Variants in TUBGCP5 observed in about 807,000 individuals in gnomAD.
TUBGCP5 encodes the protein tubulin gamma complex component 5.
In TUBGCP5, 98 loss-of-function variants were observed where a neutral mutation model predicts 134.7. The observed-to-expected ratio is 0.73, with a 90% CI of 0.62 to 0.86. The LOEUF (loss-of-function observed/expected upper bound fraction) is 0.86, where lower values mean the gene tolerates loss of function less well. TUBGCP5 is among the 40% of genes least tolerant of loss of function. The pLI, the probability that TUBGCP5 is intolerant of heterozygous loss-of-function variation, is 0.00. For missense variants in TUBGCP5, 1,150 were observed against 1,244.8 expected, an observed-to-expected ratio of 0.92 and a Z score of 1.15; for synonymous variants, 456 against 431.4, an observed-to-expected ratio of 1.06 and a Z score of -0.71.
rs189021532 is a variant in TUBGCP5, at chr15:23,010,245, T to C, written c.1956-112A>G. 2.0e-5 allele frequency: 23 copies of C among 1,169,320 alleles called. No homozygotes were observed. In the Admixed American group the frequency reaches 4.6e-4, roughly 23 times the overall value. 72.4% of individuals were successfully genotyped at this position (1,169,320 alleles called of 1,614,324 possible). On this transcript the variant is annotated intron_variant, in intron 14 of 22. Coordinates refer to ENST00000615383, the MANE Select transcript of TUBGCP5 (RefSeq NM_052903.6). ...CTTTAGTCTTGAAGTTACCAACTAT[T>C]ACAGAAAGAGAAAAATCTTTCTCCC...
intron 16 of TUBGCP5, among the ~76,000 whole-genome samples, chr15:23,006,723 C>T (rs1198092718): frequency 1.3e-5 from 2 of 152,028 alleles, no homozygotes; most frequent in African/African-American, 4.8e-5. Flanking sequence ...TCGACGGAGC[C>T]GAGCATGTGG....
intron 21 of TUBGCP5, among the ~76,000 whole-genome samples, chr15:23,001,622 C>T (rs898653119): frequency 5.3e-5 from 8 of 151,814 alleles, no homozygotes; most frequent in Non-Finnish European, 7.4e-5. Context: ...GGATTACAGG[C>T]GTAAGCCACT....
chr15:22,990,369 T>C (rs1025444547), intron 23 of TUBGCP5, among the ~76,000 whole-genome samples: 7 of 152,176 alleles, frequency 4.6e-5, no homozygotes, highest in African/African-American at 1.7e-4. Context: ...CAGGTTGTAT[T>C]TCTGGGGAAC....
At position 23,030,895 on chromosome 15, in the gene TUBGCP5, G is replaced by A. The variant is rs2066270677; in HGVS notation, c.612C>T (p.Ile204=). The A allele has an allele frequency of 6.2e-7, 1 of 1,611,058 alleles. No individual in the cohort carries two copies. The highest frequency in any genetic ancestry group is 8.5e-7 in the Non-Finnish European group (1 of 1,179,374). The change falls in exon 6 of 23, where the codon ATC becomes ATT. Residue 204 remains isoleucine, a synonymous_variant. Coordinates refer to ENST00000615383, the MANE Select transcript of TUBGCP5 (RefSeq NM_052903.6). ...QDQNRKLDPC[I]SWKDEPDDRS... is the part of the protein sequence containing the mutation. The stretch of plus-strand genomic sequence containing the variant: ...CATAACACATAATACCTTTCCAACT[G>A]ATACAAGGATCCAGTTTTCTGTTTT...
At chr15:23,018,821 A>G (rs2065489487) in intron 12 of TUBGCP5, among the ~76,000 whole-genome samples, 1 of 152,194 alleles carries the variant, frequency 6.6e-6, no homozygotes, top group Non-Finnish European at 1.5e-5. Context: ...TAGATAATTC[A>G]GAGAAATAAA....
intron 23 of TUBGCP5, among the ~76,000 whole-genome samples, chr15:22,984,528 G>A (rs867774504): frequency 5.9e-5 from 9 of 152,052 alleles, no homozygotes; most frequent in African/African-American, 1.9e-4. Context: ...GCTGAGGCAG[G>A]AGAATCACTT....
Position 22,999,806 on chromosome 15 carries a change from T to C in TUBGCP5, c.*14A>G, listed in dbSNP as rs189635431. 8,118 of 1,612,280 alleles carry C rather than the reference T, an allele frequency of 5.0e-3. 46 individuals are homozygous for C. Among genetic ancestry groups the C allele is most frequent in the Non-Finnish European group, 5.4e-3 (6,347 of 1,178,256 alleles). On this transcript the variant is annotated 3_prime_UTR_variant, in exon 23 of 23. Coordinates refer to ENST00000615383, the MANE Select transcript of TUBGCP5 (RefSeq NM_052903.6). ...TGATGACAAAGTCGGAGATATTTAT[T>C]ACGCTGAAGACATTTAACTTTGTTC...
At chr15:22,998,428 C>T (rs1017328306), downstream of TUBGCP5, among the ~76,000 whole-genome samples, 1 of 152,214 alleles carries the variant, frequency 6.6e-6, no homozygotes, top group African/African-American at 2.4e-5. Flanking sequence ...TAGAACTTCT[C>T]AGGCACAACA....
At chr15:23,032,648 A>G in intron 4 of TUBGCP5, 80 bp downstream of exon 4, 1 of 966,046 alleles carries the variant, frequency 1.0e-6, no homozygotes, top group Non-Finnish European at 1.5e-6. Flanking sequence ...AGAAGTTTCA[A>G]TAAAACTCAG....
At chr15:22,988,242 T>A (rs889444845) in intron 23 of TUBGCP5, among the ~76,000 whole-genome samples, 11 of 151,814 alleles carry the variant, frequency 7.2e-5, no homozygotes, top group African/African-American at 9.7e-5. Context: ...TGTGCTTACA[T>A]GAGACACTGA....
In TUBGCP5 at chr15:23,024,792, A is replaced by G; in HGVS notation, c.866T>C (p.Leu289Ser). The G allele has an allele frequency of 1.3e-6, 2 of 1,597,684 alleles. No individual in the cohort carries two copies. The highest frequency in any genetic ancestry group is 1.7e-6 in the Non-Finnish European group (2 of 1,169,046). ...SGVKKLFIFQ[L>S]IDGKVTVRNN... ...TCTCACAGTTACCTTCCCATCTATCAACTGAAATATAAAGAGCTTTTTCAC... is the reference window on the plus strand; with the variant it reads ...TCTCACAGTTACCTTCCCATCTATCGACTGAAATATAAAGAGCTTTTTCAC... The change falls in exon 9 of 23, where the codon TTG becomes TCG. Residue 289 changes from leucine to serine, a missense_variant. Physicochemically the swap from Leu to Ser is moderately radical, Grantham distance 145 (BLOSUM62 -2). Around this residue, in one of 2 missense-constraint regions of TUBGCP5, gnomAD observed 453 missense variants for 394.7 expected, o/e 1.15. Transcript: ENST00000615383.
rs1567132223 is a variant in TUBGCP5 at position 23,016,969 on chromosome 15, G to GATATATATACATATATATATATATAT, written c.1756+803_1756+804insATATATATATATATATGTATATATAT. ...AGATGAATGGGTAAAAAAATTGTGA[G>GATATATATACATATATATATATATAT]ATATATATATATATATATGTATATA... On this transcript the variant is annotated intron_variant, in intron 13 of 22. Transcript: ENST00000615383. Among the ~76,000 whole-genome samples, 6 of 109,436 alleles carry GATATATATACATATATATATATATAT rather than the reference G, an allele frequency of 5.5e-5. No individual in the cohort carries two copies. The East Asian group carries it at 1.9e-3, about 34-fold the overall frequency. The allele number at this position is 109,436 out of a possible 152,430, so 71.8% of individuals were successfully genotyped here. A position where few individuals can be genotyped will look rare whatever the true frequency, so the allele number is the denominator to read the frequency against.
At chr15:22,990,338 G>C (rs958379249) in intron 23 of TUBGCP5, among the ~76,000 whole-genome samples, 1 of 151,966 alleles carries the variant, frequency 6.6e-6, no homozygotes, top group Non-Finnish European at 1.5e-5. Context: ...TCTCAGAGTA[G>C]AGGCACCTAC....
Position 23,032,008 on chromosome 15 carries a change from C to T in TUBGCP5, c.428G>A (p.Trp143Ter). ...KEVEKKDDFD[W>*]GKYLMEDEEM... ...TTCATCTTCCATCAAGTATTTTCCC[C>T]AGTCGAAATCATCTTTCTTTTCTAA... Residue 143 changes from tryptophan (W) to a stop codon, truncating the protein, a stop_gained, in exon 5 of 23, where the codon TGG (tryptophan) becomes TAG (stop). Transcript: ENST00000615383. LOFTEE classifies it high-confidence loss of function. 1 of 1,611,708 alleles carries T rather than the reference C, an allele frequency of 6.2e-7. No homozygotes were observed. Among genetic ancestry groups the T allele is most frequent in the Non-Finnish European group, 8.5e-7 (1 of 1,178,566 alleles).
Position 23,013,720 on chromosome 15 carries a change from C to A in TUBGCP5, c.1757-2389G>T, listed in dbSNP as rs1039024835. 1.3e-5 allele frequency among the ~76,000 whole-genome samples: 2 copies of A among 152,194 alleles called. No homozygotes were observed. Among genetic ancestry groups the A allele is most frequent in the African/African-American group, 4.8e-5 (2 of 41,452 alleles). ...GCTCTGAGCCCAGTTTGGAGAGCTG[C>A]TGGGAATTCACGCAGCTGCCTTGCC... is the stretch of plus-strand genomic sequence containing the variant. On this transcript the variant is annotated intron_variant, in intron 13 of 22. Transcript: ENST00000615383. The surrounding 1 kb of genome is among the most constrained non-coding windows in gnomAD (Gnocchi z 4.5).
Position 23,011,263 on chromosome 15 carries a change from C to T in TUBGCP5, c.1825G>A (p.Asp609Asn). The T allele has an allele frequency of 6.2e-7, 1 of 1,613,906 alleles. No individual in the cohort carries two copies. Among genetic ancestry groups the T allele is most frequent in the Non-Finnish European group, 8.5e-7 (1 of 1,179,970 alleles). ...TCAGTAAGAACCTGTGGAGTGGAATCTTCTCCATGTCGAAGACGGGACTGT... is the reference window on the plus strand; with the variant it reads ...TCAGTAAGAACCTGTGGAGTGGAATTTTCTCCATGTCGAAGACGGGACTGT... ...SVQSRLRHGE[D>N]STPQVLTEQQ... The change falls in exon 14 of 23, where the codon GAT (aspartate) becomes AAT (asparagine). Residue 609 changes from aspartate (D) to asparagine (N), a missense_variant. Physicochemically the swap from Asp to Asn is conservative, Grantham distance 23 (BLOSUM62 1). This residue lies in a region of TUBGCP5 where 697 missense variants were observed against 850.1 expected (regional missense o/e 0.82). Coordinates refer to ENST00000615383, the MANE Select transcript of TUBGCP5 (RefSeq NM_052903.6).
chr15:23,037,496 T>TAA (rs1555446886), intron 1 of TUBGCP5, among the ~76,000 whole-genome samples: 1 of 148,140 alleles, frequency 6.8e-6, no homozygotes, highest in Non-Finnish European at 1.5e-5. Context: ...CGGTGAAGCC[T>TAA]AAGGACCCCT....
Position 23,037,013 on chromosome 15 carries a change from A to AT in TUBGCP5, c.201-9dup. ...ACAAATTTTTCATAAATTCTAAAAT[A>AT]TAAGAAAAGATTATAAAGCTATCTT... is the stretch of plus-strand genomic sequence containing the variant. On this transcript the variant is annotated splice_polypyrimidine_tract_variant and intron_variant, in intron 2 of 22. Coordinates refer to ENST00000615383, the MANE Select transcript of TUBGCP5 (RefSeq NM_052903.6). 1 of 1,594,194 alleles carries AT rather than the reference A, an allele frequency of 6.3e-7. No individual in the cohort carries two copies. Among genetic ancestry groups the AT allele is most frequent in the African/African-American group, 1.4e-5 (1 of 73,988 alleles).
chr15:22,987,795 C>T, intron 23 of TUBGCP5, among the ~76,000 whole-genome samples: 2 of 146,090 alleles, frequency 1.4e-5, no homozygotes, highest in East Asian at 4.2e-4. Flanking sequence ...ACTCGGGAAG[C>T]TGAGGTGGGA....
Sources: gnomAD v4.1 joint callset for allele counts (sites outside exome capture counted in the v4.1 genomes callset) on GRCh38, gnomAD v4.1.1 for gene constraint, gnomAD v4.1.1 regional missense constraint, Gnocchi (gnomAD v3.1) non-coding constraint, MANE v1.5 for transcripts, NCBI Gene and HGNC (gene_info 2026-07-23, HGNC 2026-07-21) for gene names.